SEMA5A: variants seen among roughly 807,000 people sequenced by gnomAD.
SEMA5A encodes the protein semaphorin-5A.
Under a neutral mutation model 135.5 loss-of-function variants are expected in SEMA5A, and 55 were observed. The observed-to-expected ratio is 0.41, with a 90% CI of 0.33 to 0.51. SEMA5A has a LOEUF of 0.51. Ranked by LOEUF, SEMA5A falls within the 20% of genes least tolerant of loss-of-function variation. The probability of loss-of-function intolerance (pLI) is 0.37; values close to 1 mark genes in which losing one functional copy is unlikely to be tolerated. For synonymous variants in SEMA5A, 580 were observed against 546.5 expected (o/e 1.06, Z -0.85); for missense variants, 1,290 against 1,419.9 (o/e 0.91, Z 1.47).
chr5:9,157,368 G>A (rs1418225681), intron 11 of SEMA5A, among the ~76,000 whole-genome samples: 5 of 152,282 alleles, frequency 3.3e-5, no homozygotes, highest in South Asian at 2.1e-4. Flanking sequence ...CAACTCAACC[G>A]TTAGGGACTG....
intron 16 of SEMA5A, among the ~76,000 whole-genome samples, chr5:9,101,657 G>A (rs546924261): frequency 6.6e-6 from 1 of 152,124 alleles, no homozygotes; most frequent in Non-Finnish European, 1.5e-5. Flanking sequence ...GATAAACTTA[G>A]TTGTATCTAA....
At chr5:9,432,809 G>A (rs1452539159) in intron 2 of SEMA5A, among the ~76,000 whole-genome samples, 1 of 152,168 alleles carries the variant, frequency 6.6e-6, no homozygotes, top group Non-Finnish European at 1.5e-5. Flanking sequence ...AACATTTAAT[G>A]CAAACACCTT....
intron 9 of SEMA5A, among the ~76,000 whole-genome samples, chr5:9,198,943 C>A (rs1745560228): frequency 6.6e-6 from 1 of 152,104 alleles, no homozygotes; most frequent in Non-Finnish European, 1.5e-5. Context: ...GCACTTGATA[C>A]AGATCATCTA....
At chr5:9,483,976 C>T (rs1329469073) in intron 1 of SEMA5A, among the ~76,000 whole-genome samples, 1 of 152,096 alleles carries the variant, frequency 6.6e-6, no homozygotes, top group Non-Finnish European at 1.5e-5. Flanking sequence ...TAACAGAACT[C>T]CAAACCAGAC....
At position 9,471,927 on chromosome 5, in the gene SEMA5A, C is replaced by T. The variant is rs1276202442; in HGVS notation, c.-174-34075G>A. Among the ~76,000 whole-genome samples, 4 of 152,214 alleles carry T rather than the reference C, an allele frequency of 2.6e-5. No individual in the cohort carries two copies. In the East Asian group the frequency reaches 7.7e-4, roughly 29 times the overall value. Reference sequence around the variant, plus strand: ...GAAAAGTAGAAAAAGTAACAACCTGCTCCTCTTAGAAAAATGATTGAATGC... The same window carrying T: ...GAAAAGTAGAAAAAGTAACAACCTGTTCCTCTTAGAAAAATGATTGAATGC... On this transcript the variant is annotated intron_variant, in intron 1 of 22. Coordinates refer to ENST00000382496, the MANE Select transcript of SEMA5A (RefSeq NM_003966.3).
rs184673810 is a variant in SEMA5A at position 9,457,086 on chromosome 5, C to G, written c.-174-19234G>C. Among the ~76,000 whole-genome samples the G allele has an allele frequency of 2.8e-3, 420 of 152,302 alleles. 3 individuals carry two copies. The highest frequency in any genetic ancestry group is 9.8e-3 in the African/African-American group (406 of 41,558). On this transcript the variant is annotated intron_variant, in intron 1 of 22. Transcript: ENST00000382496. The stretch of plus-strand genomic sequence containing the variant: ...AATTAGCCCAAATATGTATCTATTT[C>G]AGAGCTTTTAGGAAAATAGCTAGTC...
intron 5 of SEMA5A, among the ~76,000 whole-genome samples, chr5:9,243,865 C>A (rs1748340352): frequency 6.6e-6 from 1 of 152,096 alleles, no homozygotes. Flanking sequence ...CCCTTCTTAC[C>A]TGATTTTTAC....
rs1030120505 is a variant in SEMA5A at position 9,372,382 on chromosome 5, C to T, written c.124+7441G>A. Among the ~76,000 whole-genome samples the T allele has an allele frequency of 7.3e-5, 11 of 151,446 alleles. No homozygotes were observed. In the South Asian group the frequency reaches 1.0e-3, roughly 14 times the overall value. ...ACTGTGGGACACGCGTGGAGCCATG[C>T]GGCATGCAAGGAGATGTGGACGTGC... On this transcript the variant is annotated intron_variant, in intron 3 of 22. Transcript: ENST00000382496.
chr5:9,458,109 G>A (rs547489486), intron 1 of SEMA5A, among the ~76,000 whole-genome samples: 5 of 151,784 alleles, frequency 3.3e-5, no homozygotes, highest in South Asian at 2.1e-4. Flanking sequence ...GGATCTCACC[G>A]TTTTAGCCAG....
At chr5:9,369,780 C>CA (rs538148385) in intron 3 of SEMA5A, among the ~76,000 whole-genome samples, 5,428 of 132,364 alleles carry the variant, frequency 0.041, 256 homozygotes, top group African/African-American at 0.12. Context: ...CAGAACAAAC[C>CA]AAAAAAAAAA....
chr5:9,255,321 A>G (rs867551361), intron 5 of SEMA5A, among the ~76,000 whole-genome samples: 1 of 152,184 alleles, frequency 6.6e-6, no homozygotes, highest in Admixed American at 6.5e-5. Context: ...CATTTGTCAT[A>G]GCTGGTCAAC....
At position 9,190,467 on chromosome 5, in the gene SEMA5A, C is replaced by T. The variant is rs1289535889; in HGVS notation, c.1073G>A (p.Gly358Asp). ...CACGTACAGGCCCTGGTCCACGGTG[C>T]CACACTGAAAGGGAAGACGGGCCAG... ...YPNPNPHFQCGTVDQGLYVNL... is the reference protein window; with the variant it reads ...YPNPNPHFQCDTVDQGLYVNL... The change falls in exon 11 of 23, where the codon GGC (glycine) becomes GAC (aspartate). Residue 358 changes from glycine to aspartate, a missense_variant. By Grantham distance (94) the Gly-to-Asp change is moderately conservative. Around this residue, in one of 3 missense-constraint regions of SEMA5A, gnomAD observed 1,029 missense variants for 1,086.6 expected, o/e 0.95. Coordinates refer to ENST00000382496, the MANE Select transcript of SEMA5A (RefSeq NM_003966.3). 3.1e-6 allele frequency: 5 copies of T among 1,613,074 alleles called. No homozygotes were observed. Among genetic ancestry groups the T allele is most frequent in the Non-Finnish European group, 4.2e-6 (5 of 1,179,986 alleles).
At chr5:9,398,290 T>C (rs1423214647) in intron 2 of SEMA5A, among the ~76,000 whole-genome samples, 3 of 152,184 alleles carry the variant, frequency 2.0e-5, no homozygotes, top group African/African-American at 4.8e-5. Context: ...AGTGCACTGG[T>C]GGCAAGCATC....
intron 3 of SEMA5A, chr5:9,367,462 C>A (rs1754965127): frequency 1.3e-5 from 2 of 152,252 alleles, no homozygotes; most frequent in Middle Eastern, 3.4e-3. Context: ...CTCTTATTTC[C>A]TCTCCATGGT....
chr5:9,433,844 C>T (rs1041346546), intron 2 of SEMA5A, among the ~76,000 whole-genome samples: 61 of 152,076 alleles, frequency 4.0e-4, no homozygotes, highest in African/African-American at 1.4e-3. Context: ...ATCTACAATA[C>T]TTTTACAAAG....
At chr5:9,520,381 A>T (rs886169457) in intron 1 of SEMA5A, among the ~76,000 whole-genome samples, 7 of 152,148 alleles carry the variant, frequency 4.6e-5, no homozygotes, top group Non-Finnish European at 8.8e-5. Flanking sequence ...GCGTGCTGGG[A>T]ATAGGGCAGG....
intron 5 of SEMA5A, among the ~76,000 whole-genome samples, chr5:9,312,558 T>C (rs995335785): frequency 6.6e-6 from 1 of 152,156 alleles, no homozygotes; most frequent in African/African-American, 2.4e-5. Context: ...ATTCCAAATA[T>C]AGCCATTTTA....
At chr5:9,408,204 C>T (rs554163962) in intron 2 of SEMA5A, among the ~76,000 whole-genome samples, 1 of 152,228 alleles carries the variant, frequency 6.6e-6, no homozygotes, top group South Asian at 2.1e-4. Context: ...ACCACCATCA[C>T]CACCACCACC....
chr5:9,507,088 A>T (rs1180385448), intron 1 of SEMA5A, among the ~76,000 whole-genome samples: 2 of 152,240 alleles, frequency 1.3e-5, no homozygotes, highest in Non-Finnish European at 2.9e-5. Context: ...TACTAGAAAT[A>T]AAATAATTGT....
Sources: allele counts gnomAD v4.1 joint callset (sites outside exome capture counted in the v4.1 genomes callset), GRCh38; gene constraint gnomAD v4.1.1; regional missense constraint gnomAD v4.1.1; transcripts MANE v1.5; gene names NCBI Gene and HGNC (gene_info 2026-07-23, HGNC 2026-07-21).